Variants in BACH1 observed in about 807,000 individuals in gnomAD.
BACH1 encodes the protein transcription regulator protein BACH1.
A neutral mutation model predicts 52.9 loss-of-function variants in BACH1; 35 were observed. The ratio of observed to expected loss-of-function variants is 0.66; its 90% confidence interval spans 0.51 to 0.88. The LOEUF is 0.88. Among genes scored for constraint, BACH1 ranks in the 40% least tolerant of loss-of-function variants. The probability of loss-of-function intolerance (pLI) is 0.00; values close to 1 mark genes in which losing one functional copy is unlikely to be tolerated. For synonymous variants in BACH1, 321 were observed against 319.6 expected (o/e 1.00, Z -0.05); for missense variants, 808 against 872.6 (o/e 0.93, Z 0.93).
chr21:29,324,252 A>G (rs1376508558), intron 2 of BACH1, among the ~76,000 whole-genome samples: 1 of 149,674 alleles, frequency 6.7e-6, no homozygotes, highest in Non-Finnish European at 1.5e-5. Flanking sequence ...AAAAAAAAAA[A>G]GGAACTGAAC....
At chr21:29,316,199 TCC>T (rs2088784660) in intron 1 of BACH1, among the ~76,000 whole-genome samples, 1 of 152,204 alleles carries the variant, frequency 6.6e-6, no homozygotes, top group Non-Finnish European at 1.5e-5. Context: ...GAGTTTTTTT[TCC>T]TTTAAATAAA....
intron 1 of BACH1, among the ~76,000 whole-genome samples, 197 bp from the exon 2 acceptor site, chr21:29,321,024 C>T (rs1302147280): frequency 2.6e-5 from 4 of 152,122 alleles, no homozygotes; most frequent in Non-Finnish European, 5.9e-5. Context: ...AGAATCTTTT[C>T]CGTAAAATTA....
chr21:29,310,422 G>A (rs531775551), intron 1 of BACH1, among the ~76,000 whole-genome samples: 11 of 152,178 alleles, frequency 7.2e-5, no homozygotes, highest in Non-Finnish European at 1.5e-4. Flanking sequence ...TGGTGATGAG[G>A]GTGGCAACCA....
At chr21:29,354,761 A>ATG (rs1003507044) in intron 2 of BACH1, among the ~76,000 whole-genome samples, 7 of 152,322 alleles carry the variant, frequency 4.6e-5, no homozygotes, top group African/African-American at 1.7e-4. Flanking sequence ...GGTTGTTGAC[A>ATG]TGTAAGACTT....
chr21:29,337,662 A>G (rs1281225831), intron 4 of BACH1, among the ~76,000 whole-genome samples: 1 of 152,148 alleles, frequency 6.6e-6, no homozygotes, highest in African/African-American at 2.4e-5. Flanking sequence ...GAACACTTGG[A>G]CACAGGGTGG....
chr21:29,326,082 TTTAA>T lies in BACH1; in HGVS notation c.261_264del (p.Leu87PhefsTer9). The T allele has an allele frequency of 6.2e-7, 1 of 1,609,786 alleles. No individual in the cohort carries two copies. ...AGGTGACAGTTAAAGGATTTGAACC[TTTAA>T]TTCAGTTTGCCTACACTGCTAAACT... On this transcript the variant is annotated frameshift_variant, in exon 3 of 5. Coordinates refer to ENST00000286800, the MANE Select transcript of BACH1 (RefSeq NM_001186.4). LOFTEE classifies it high-confidence loss of function.
In BACH1 at chr21:29,343,828, TC is replaced by T. The variant is rs767738697; in HGVS notation, c.*996del. On this transcript the variant is annotated 3_prime_UTR_variant, in exon 5 of 5. Transcript: ENST00000286800. ...CATTTTTTTCACCCTGTTTTTGAAGTCGTATTATTCACTTGTAAAAATGATT... is the reference window on the plus strand; with the variant it reads ...CATTTTTTTCACCCTGTTTTTGAAGTGTATTATTCACTTGTAAAAATGATT... 6 of 152,220 alleles carry T rather than the reference TC, an allele frequency of 3.9e-5. No individual in the cohort carries two copies. Among genetic ancestry groups the T allele is most frequent in the Non-Finnish European group, 8.8e-5 (6 of 68,032 alleles). The allele number at this position is 152,220 out of a possible 1,614,324, so 9.4% of individuals were successfully genotyped here.
intron 1 of BACH1, among the ~76,000 whole-genome samples, chr21:29,309,838 A>G (rs2088699997): frequency 6.6e-6 from 1 of 152,096 alleles, no homozygotes; most frequent in Non-Finnish European, 1.5e-5. Flanking sequence ...TGTCCCTAAT[A>G]ATTCTGTGTG....
intron 2 of BACH1, chr21:29,361,079 TCAAG>T (rs1191844409): frequency 6.6e-6 from 1 of 152,220 alleles, no homozygotes; most frequent in African/African-American, 2.4e-5. Context: ...GTGCTGCATC[TCAAG>T]CAGGACAATG....
rs973631271 is a variant in BACH1 at position 29,321,547 on chromosome 21, T to A, written c.234+33T>A. On this transcript the variant is annotated intron_variant, in intron 2 of 4. Coordinates refer to ENST00000286800, the MANE Select transcript of BACH1 (RefSeq NM_001186.4). ...ATCCATGTTTTTGGCAATTTTAATC[T>A]ACTTTTACTTAAGTTTTTTATGGTT... 6 of 1,574,978 alleles carry A rather than the reference T, an allele frequency of 3.8e-6. No individual in the cohort carries two copies. The African/African-American group carries it at 8.1e-5, about 21-fold the overall frequency.
intron 4 of BACH1, among the ~76,000 whole-genome samples, chr21:29,330,289 G>A (rs887005969): frequency 4.0e-5 from 6 of 151,862 alleles, no homozygotes; most frequent in Admixed American, 2.0e-4. Flanking sequence ...CTCAGCCTCC[G>A]GAGTAGCTGG....
intron 2 of BACH1, among the ~76,000 whole-genome samples, chr21:29,322,333 T>TTTTGA (rs1488568647): frequency 6.6e-6 from 1 of 152,222 alleles, no homozygotes; most frequent in Non-Finnish European, 1.5e-5. Flanking sequence ...TCCCCTTCTT[T>TTTTGA]CTTGACTTAG....
intron 1 of BACH1, among the ~76,000 whole-genome samples, chr21:29,320,469 A>G (rs1408653696): frequency 1.3e-5 from 2 of 152,180 alleles, no homozygotes; most frequent in Non-Finnish European, 2.9e-5. Flanking sequence ...GGAGGCTATT[A>G]TATGTTAGTA....
At chr21:29,351,549 T>A (rs1051830476) in intron 2 of BACH1, 25 of 513,292 alleles carry the variant, frequency 4.9e-5, no homozygotes, top group Middle Eastern at 6.5e-4. Context: ...CACTGTGTTT[T>A]CATCTCATTT....
intron 3 of BACH1, 151 bp from the exon 4 acceptor site, chr21:29,329,336 T>C: frequency 2.1e-6 from 1 of 473,878 alleles, no homozygotes; most frequent in South Asian, 6.6e-5. Context: ...GATATCCTTT[T>C]GAGATTGTAT....
At chr21:29,351,254 G>A (rs1177711993) in intron 2 of BACH1, among the ~76,000 whole-genome samples, 1 of 152,170 alleles carries the variant, frequency 6.6e-6, no homozygotes, top group Non-Finnish European at 1.5e-5. Flanking sequence ...GGTTTCCCAT[G>A]TGATGTGAAT....
Position 29,342,445 on chromosome 21 carries a change from C to A in BACH1, c.1823C>A (p.Ser608Ter). 6.2e-7 allele frequency: 1 copy of A among 1,614,072 alleles called. No homozygotes were observed. Among genetic ancestry groups the A allele is most frequent in the South Asian group, 1.1e-5 (1 of 91,074 alleles). The change falls in exon 5 of 5, where the codon TCA becomes TAA. Residue 608 changes from serine to a stop codon, truncating the protein, a stop_gained. Coordinates refer to ENST00000286800, the MANE Select transcript of BACH1 (RefSeq NM_001186.4). LOFTEE classifies it low-confidence loss of function (END_TRUNC). ...TTGAAGGAAAGAGATCACATTTTGT[C>A]AACTCTGGGTGAGACAAAGCAGAAC... ...SLLKERDHIL[S>*]TLGETKQNLT... is the part of the protein sequence containing the mutation.
At chr21:29,325,916 T>C (rs2088905026) in intron 2 of BACH1, 143 bp from the exon 3 acceptor site, 1 of 901,862 alleles carries the variant, frequency 1.1e-6, no homozygotes, top group Non-Finnish European at 1.6e-6. Context: ...CTTAGAAGAA[T>C]ATGTTTTCTT....
intron 4 of BACH1, among the ~76,000 whole-genome samples, chr21:29,338,777 A>C (rs532934710): frequency 9.2e-5 from 14 of 152,284 alleles, no homozygotes; most frequent in African/African-American, 3.1e-4. Context: ...TCTTCTCCTT[A>C]TACCCTATTC....
Sources: allele counts gnomAD v4.1 joint callset (sites outside exome capture counted in the v4.1 genomes callset), GRCh38; gene constraint gnomAD v4.1.1; transcripts MANE v1.5; gene names NCBI Gene and HGNC (gene_info 2026-07-23, HGNC 2026-07-21).